Variants in TMEM116 observed in about 807,000 individuals in gnomAD.
The protein encoded by TMEM116 is transmembrane protein 116.
In TMEM116, 38 loss-of-function variants were observed where a neutral mutation model predicts 44.3. That is an observed-to-expected ratio of 0.86 (90% CI 0.66 to 1.12). TMEM116 has a LOEUF of 1.12. Ranked by LOEUF, TMEM116 falls within the 50% of genes most tolerant of loss-of-function variation. The pLI is 0.00. For synonymous variants in TMEM116, 132 were observed against 144.8 expected (o/e 0.91, Z 0.64); for missense variants, 354 against 401.7 (o/e 0.88, Z 1.01).
intron 4 of TMEM116, among the ~76,000 whole-genome samples, chr12:111,957,459 C>A (rs982041176): frequency 6.6e-6 from 1 of 151,356 alleles, no homozygotes; most frequent in South Asian, 2.1e-4. Flanking sequence ...AAGTGAGGAG[C>A]GTCTACGCCC....
intron 1 of TMEM116, among the ~76,000 whole-genome samples, chr12:112,006,768 A>C (rs554273571): frequency 1.8e-4 from 28 of 152,344 alleles, no homozygotes; most frequent in Admixed American, 1.6e-3. Flanking sequence ...AGACTGGAGG[A>C]AAAAAGAGAG....
chr12:111,981,081 A>C (rs1484589212), intron 4 of TMEM116, among the ~76,000 whole-genome samples: 1 of 151,390 alleles, frequency 6.6e-6, no homozygotes, highest in African/African-American at 2.4e-5. Context: ...AAAAAAAAAG[A>C]AACTTATCAA....
chr12:111,998,032 A>G (rs2077025786), intron 3 of TMEM116, among the ~76,000 whole-genome samples: 2 of 152,196 alleles, frequency 1.3e-5, no homozygotes, highest in Admixed American at 1.3e-4. Flanking sequence ...CTAAATTTAA[A>G]ATGTTTTATT....
chr12:111,945,073 T>TAAA (rs1231486290), intron 4 of TMEM116, among the ~76,000 whole-genome samples: 15 of 56,594 alleles, frequency 2.7e-4, no homozygotes, highest in Admixed American at 4.4e-4. Flanking sequence ...AGACTCCATC[T>TAAA]AAAAAAAAAA....
chr12:112,000,362 A>T (rs965980826), intron 3 of TMEM116, among the ~76,000 whole-genome samples: 25 of 152,156 alleles, frequency 1.6e-4, no homozygotes, highest in African/African-American at 2.4e-4. Context: ...AAAACTTTTT[A>T]AAAAAATTCA....
chr12:111,962,120 G>A (rs975133528), intron 4 of TMEM116, among the ~76,000 whole-genome samples: 2 of 152,176 alleles, frequency 1.3e-5, no homozygotes, highest in Non-Finnish European at 2.9e-5. Context: ...GGATGTGAAG[G>A]ACCTCTTCAA....
Position 111,941,803 on chromosome 12 carries a change from G to A in TMEM116, c.315+1462C>T, listed in dbSNP as rs186938312. ...CCCCTACCCTTCTTCAAACATGAAC[G>A]TCTAGAACAACATAAAAAAGTAAGA... On this transcript the variant is annotated intron_variant, in intron 5 of 10. Coordinates refer to ENST00000552374, the MANE Select transcript of TMEM116 (RefSeq NM_001193531.2). Among the ~76,000 whole-genome samples the A allele has an allele frequency of 5.4e-4, 82 of 152,046 alleles. No individual in the cohort carries two copies. The Middle Eastern group carries it at 0.01, about 19-fold the overall frequency.
intron 2 of TMEM116, 62 bp from the exon 3 acceptor site, chr12:112,003,925 TA>T: frequency 7.0e-7 from 1 of 1,423,870 alleles, no homozygotes; most frequent in African/African-American, 1.5e-5. Context: ...TCGTTTTTGT[TA>T]TTAATTTTGG....
chr12:111,980,945 G>A (rs1420743354), intron 4 of TMEM116, among the ~76,000 whole-genome samples: 2 of 151,862 alleles, frequency 1.3e-5, no homozygotes, highest in Non-Finnish European at 2.9e-5. Flanking sequence ...GTGGTAGTGT[G>A]TGCCTGTAGT....
rs1432170675 is a variant in TMEM116, at chr12:111,936,683, G to A, written c.588+9C>T. On this transcript the variant is annotated intron_variant, in intron 8 of 10. Coordinates refer to ENST00000552374, the MANE Select transcript of TMEM116 (RefSeq NM_001193531.2). ...TCTCTCCACAAAGGAAGGTAGGGTG[G>A]TACCATACCATAATGGTAAGGAGGC... 6.2e-7 allele frequency: 1 copy of A among 1,612,996 alleles called. No homozygotes were observed. The highest frequency in any genetic ancestry group is 1.7e-5 in the Admixed American group (1 of 59,806).
In TMEM116 at chr12:111,933,912, A is replaced by G. The variant is rs765423894; in HGVS notation, c.707T>C (p.Val236Ala). ...IVDQRVRFYP[V>A]AFFCCWGPAV... ...TGGGCCCCAGCAGCAAAAGAAGGCC[A>G]CTGGGTAGAAGCGCACCCGTTGGTC... The change falls in exon 9 of 11, where the codon GTG (valine) becomes GCG (alanine). Residue 236 changes from valine (V) to alanine (A), a missense_variant. Coordinates refer to ENST00000552374, the MANE Select transcript of TMEM116 (RefSeq NM_001193531.2). The G allele has an allele frequency of 1.9e-6, 3 of 1,613,930 alleles. No individual in the cohort carries two copies. Among genetic ancestry groups the G allele is most frequent in the Middle Eastern group, 1.6e-4 (1 of 6,084 alleles).
Position 111,931,802 on chromosome 12 carries a change from A to T in TMEM116, c.833T>A (p.Leu278Gln), listed in dbSNP as rs1315303247. Residue 278 changes from leucine to glutamine, a missense_variant, in exon 11 of 11, where the codon CTA (leucine) becomes CAA (glutamine). Coordinates refer to ENST00000552374, the MANE Select transcript of TMEM116 (RefSeq NM_001193531.2). Reference sequence around the variant, plus strand: ...CCAGCCATATACTCCACAGTTGAGTAGACCCTGAGATGTTGCCGTTAGAGC... The same window carrying T: ...CCAGCCATATACTCCACAGTTGAGTTGACCCTGAGATGTTGCCGTTAGAGC... ...LQALTATSQG[L>Q]LNCGVYGWTQ... is the part of the protein sequence containing the mutation. The T allele has an allele frequency of 6.5e-7, 1 of 1,545,656 alleles. No homozygotes were observed. Among genetic ancestry groups the T allele is most frequent in the Non-Finnish European group, 8.7e-7 (1 of 1,149,006 alleles).
intron 3 of TMEM116, among the ~76,000 whole-genome samples, chr12:111,995,758 A>C (rs932315498): frequency 2.6e-5 from 4 of 152,086 alleles, no homozygotes; most frequent in African/African-American, 9.7e-5. Flanking sequence ...GGTCAGGCTC[A>C]GTGACTATAT....
At chr12:111,932,511 T>G in intron 10 of TMEM116, 75 bp downstream of exon 10, 1 of 1,253,824 alleles carries the variant, frequency 8.0e-7, no homozygotes, top group African/African-American at 1.5e-5. Context: ...AAATCATCCT[T>G]ACCGAGTAAA....
intron 3 of TMEM116, among the ~76,000 whole-genome samples, chr12:112,003,224 T>C (rs979107505): frequency 3.9e-5 from 6 of 152,240 alleles, no homozygotes; most frequent in African/African-American, 1.4e-4. Flanking sequence ...GACAACATTC[T>C]GTTTCCTTAG....
intron 8 of TMEM116, 86 bp from the exon 9 acceptor site, chr12:111,934,116 TTC>T (rs1277864466): frequency 1.2e-5 from 17 of 1,448,264 alleles, no homozygotes; most frequent in Non-Finnish European, 1.6e-5. Context: ...AAAAAGATTA[TTC>T]TCTTAGAATC....
At chr12:111,937,618 C>T (rs2072267470) in intron 6 of TMEM116, among the ~76,000 whole-genome samples, 1 of 152,200 alleles carries the variant, frequency 6.6e-6, no homozygotes, top group South Asian at 2.1e-4. Flanking sequence ...ATCTCATTCT[C>T]ATCAGCCCCT....
intron 4 of TMEM116, among the ~76,000 whole-genome samples, chr12:111,979,939 G>A (rs2075856000): frequency 6.6e-6 from 1 of 152,182 alleles, no homozygotes; most frequent in Non-Finnish European, 1.5e-5. Context: ...AAGTGCTGTT[G>A]AGGATGCCAA....
intron 4 of TMEM116, among the ~76,000 whole-genome samples, chr12:111,964,284 C>T (rs1030853803): frequency 1.3e-5 from 2 of 151,676 alleles, no homozygotes; most frequent in African/African-American, 4.8e-5. Context: ...ACTAACAATA[C>T]AAAAATTAGC....
Sources: allele counts gnomAD v4.1 joint callset (sites outside exome capture counted in the v4.1 genomes callset), GRCh38; gene constraint gnomAD v4.1.1; transcripts MANE v1.5; gene names NCBI Gene and HGNC (gene_info 2026-07-23, HGNC 2026-07-21).